The following INSL6 variants were observed in gnomAD, a reference collection of about 807,000 sequenced individuals.
The protein encoded by INSL6 is insulin like 6, also known as insulin-like peptide INSL6.
INSL6 carries 16 observed loss-of-function variants against 9.4 expected under a neutral mutation model. The ratio of observed to expected loss-of-function variants is 1.70; its 90% confidence interval spans 1.15 to 2.59. The LOEUF is 2.59. INSL6 is among the 30% of genes most tolerant of loss of function. INSL6 has a pLI of 0.00. For missense variants in INSL6, 391 were observed against 257.3 expected, an observed-to-expected ratio of 1.52 and a Z score of -3.56; for synonymous variants, 154 against 96.9, an observed-to-expected ratio of 1.59 and a Z score of -3.46.
At chr9:5,122,871 G>C, downstream of INSL6, 1 of 500,402 alleles carries the variant, frequency 2.0e-6, no homozygotes, top group South Asian at 4.6e-5. Context: ...TTTAATCATA[G>C]AAGCCTCAGG....
chr9:5,080,373 C>A, the INSL6 span: 26 of 1,611,450 alleles, frequency 1.6e-5, no homozygotes, highest in African/African-American at 1.9e-4. Flanking sequence ...GCTCTGGATT[C>A]TCAAAGAGTA....
chr9:5,059,571 A>G, the INSL6 span, among the ~76,000 whole-genome samples: 1 of 152,090 alleles, frequency 6.6e-6, no homozygotes, highest in African/African-American at 2.4e-5. Context: ...TTTTGTATAT[A>G]TATATCCTAG....
At chr9:5,106,404 C>G in the INSL6 span, among the ~76,000 whole-genome samples, 1 of 152,180 alleles carries the variant, frequency 6.6e-6, no homozygotes, top group African/African-American at 2.4e-5. Flanking sequence ...ACAACAGATG[C>G]TGGAGAAGAT....
chr9:5,033,980 T>G, the INSL6 span, among the ~76,000 whole-genome samples: 1 of 152,312 alleles, frequency 6.6e-6, no homozygotes, highest in Middle Eastern at 3.4e-3. Flanking sequence ...ATCAGTGTGC[T>G]GTATTCAGGA....
At chr9:5,009,399 C>T in the INSL6 span, among the ~76,000 whole-genome samples, 2 of 151,884 alleles carry the variant, frequency 1.3e-5, no homozygotes, top group African/African-American at 4.8e-5. Context: ...CACAGGAACA[C>T]TATGAAATGC....
At chr9:5,081,953 T>A in the INSL6 span, 1 of 1,038,724 alleles carries the variant, frequency 9.6e-7, no homozygotes. Context: ...TACAACATTT[T>A]AAGGAGTGCT....
At chr9:5,169,414 A>G (rs527595073) in intron 1 of INSL6, among the ~76,000 whole-genome samples, 5 of 152,372 alleles carry the variant, frequency 3.3e-5, no homozygotes, top group African/African-American at 1.2e-4. Flanking sequence ...CAGCCACTAC[A>G]AAAACACACC....
the INSL6 span, among the ~76,000 whole-genome samples, chr9:5,015,238 T>G: frequency 6.6e-6 from 1 of 152,216 alleles, no homozygotes; most frequent in African/African-American, 2.4e-5. Context: ...TGAATATTCT[T>G]GTAATGTGTC....
chr9:5,101,791 A>G, the INSL6 span, among the ~76,000 whole-genome samples: 1 of 152,240 alleles, frequency 6.6e-6, no homozygotes, highest in Admixed American at 6.5e-5. Context: ...AAACTCCAAG[A>G]GACCTGCAGC....
chr9:5,151,490 C>G (rs1824712131), intron 2 of INSL6, among the ~76,000 whole-genome samples: 1 of 151,420 alleles, frequency 6.6e-6, no homozygotes, highest in Non-Finnish European at 1.5e-5. Context: ...GGCACAAACA[C>G]CAGAAAAAAA....
the INSL6 span, among the ~76,000 whole-genome samples, chr9:5,053,921 T>A: frequency 6.6e-6 from 1 of 152,006 alleles, no homozygotes; most frequent in African/African-American, 2.4e-5. Flanking sequence ...GAAAATTATT[T>A]AATGGTACTT....
chr9:5,077,904 T>C, the INSL6 span, among the ~76,000 whole-genome samples: 5 of 152,198 alleles, frequency 3.3e-5, no homozygotes, highest in African/African-American at 9.6e-5. Context: ...TTGTACATTA[T>C]GGTCCATGAG....
chr9:5,048,854 C>G, the INSL6 span, among the ~76,000 whole-genome samples: 1 of 152,168 alleles, frequency 6.6e-6, no homozygotes, highest in Non-Finnish European at 1.5e-5. Context: ...GGGCCCTTGT[C>G]CGGTTTAAAA....
chr9:5,155,219 C>G, intron 2 of INSL6, among the ~76,000 whole-genome samples: 1 of 149,604 alleles, frequency 6.7e-6, no homozygotes, highest in Non-Finnish European at 1.5e-5. Context: ...GCAAAGTATC[C>G]CAAGGACAAA....
the INSL6 span, chr9:5,112,054 G>T: frequency 0.085 from 34,081 of 400,240 alleles, 1,997 homozygotes; most frequent in Middle Eastern, 0.12. Context: ...AGCTACGACG[G>T]GGGTCTCCAC....
At chr9:5,127,280 C>G (rs1824061891) in intron 3 of INSL6, 2 of 232,246 alleles carry the variant, frequency 8.6e-6, no homozygotes, top group Admixed American at 5.6e-5. Context: ...TAATTAATTA[C>G]TTCACTATAC....
the INSL6 span, among the ~76,000 whole-genome samples, chr9:5,018,177 TC>T: frequency 6.6e-6 from 1 of 152,192 alleles, no homozygotes; most frequent in Non-Finnish European, 1.5e-5. Context: ...TTTGTTCTTT[TC>T]TTTCTCTCAT....
chr9:5,067,610 C>T, the INSL6 span, among the ~76,000 whole-genome samples: 1 of 151,786 alleles, frequency 6.6e-6, no homozygotes, highest in Non-Finnish European at 1.5e-5. Context: ...TATCCTGTTA[C>T]TATAACAGAT....
the INSL6 span, among the ~76,000 whole-genome samples, chr9:4,992,080 C>T: frequency 6.6e-6 from 1 of 152,160 alleles, no homozygotes; most frequent in African/African-American, 2.4e-5. Context: ...ACAATGGCTA[C>T]TAGGACATGA....
Sources: allele counts gnomAD v4.1 joint callset (sites outside exome capture counted in the v4.1 genomes callset), GRCh38; gene constraint gnomAD v4.1.1; transcripts MANE v1.5; gene names NCBI Gene and HGNC (gene_info 2026-07-23, HGNC 2026-07-21).